The following KDR variants were observed in gnomAD, a reference collection of about 807,000 sequenced individuals.
The protein encoded by KDR is kinase insert domain receptor.
A neutral mutation model predicts 160.9 loss-of-function variants in KDR; 43 were observed. The ratio of observed to expected loss-of-function variants is 0.27; its 90% CI spans 0.21 to 0.34. The LOEUF is 0.34. KDR is among the 10% of genes least tolerant of loss of function. The pLI is 1.00. For synonymous variants in KDR, 617 were observed against 600.1 expected (o/e 1.03, Z -0.41); for missense variants, 1,469 against 1,666.4 (o/e 0.88, Z 2.06).
At chr4:55,095,690 A>T in intron 19 of KDR, 25 bp from the exon 20 acceptor site, 1 of 1,577,314 alleles carries the variant, frequency 6.3e-7, no homozygotes, top group Non-Finnish European at 8.7e-7. Context: ...TCCAGGAAGG[A>T]AAATGGGTTT....
intron 17 of KDR, 112 bp downstream of exon 17, chr4:55,098,025 T>C: frequency 1.4e-6 from 2 of 1,385,452 alleles, no homozygotes; most frequent in South Asian, 2.3e-5. Flanking sequence ...ATGGAATTAA[T>C]ATTTCTAAAC....
chr4:55,106,354 A>C (rs373095385), intron 11 of KDR, among the ~76,000 whole-genome samples: 33 of 152,316 alleles, frequency 2.2e-4, no homozygotes, highest in African/African-American at 7.7e-4. Flanking sequence ...TGGAGCTCAC[A>C]CATTATATAA....
At chr4:55,084,427 G>A (rs979050086) in intron 27 of KDR, among the ~76,000 whole-genome samples, 1 of 152,174 alleles carries the variant, frequency 6.6e-6, no homozygotes, top group Non-Finnish European at 1.5e-5. Flanking sequence ...TAGGGTTGGC[G>A]AGTTTGGACA....
intron 10 of KDR, 50 bp from the exon 11 acceptor site, chr4:55,106,860 T>G: frequency 6.7e-7 from 1 of 1,496,164 alleles, no homozygotes; most frequent in Non-Finnish European, 9.3e-7. Context: ...TTTCTTTAAT[T>G]AGAGTCAAGA....
At chr4:55,105,752 G>C in intron 12 of KDR, 80 bp downstream of exon 12, 1 of 889,398 alleles carries the variant, frequency 1.1e-6, no homozygotes, top group Admixed American at 1.7e-5. Flanking sequence ...CACATGAATG[G>C]CAAAAACAAC....
At chr4:55,102,660 T>G in intron 13 of KDR, 152 bp from the exon 14 acceptor site, 1 of 776,052 alleles carries the variant, frequency 1.3e-6, no homozygotes, top group Non-Finnish European at 2.2e-6. Context: ...TGGGTAAAGT[T>G]AAATGAAACA....
At chr4:55,107,672 T>C (rs1044544364) in intron 10 of KDR, 65 bp downstream of exon 10, 3 of 1,604,736 alleles carry the variant, frequency 1.9e-6, no homozygotes, top group Admixed American at 1.7e-5. Context: ...GATGGAGTCA[T>C]ATCATAGCTC....
At chr4:55,117,737 T>C (rs886552375) in intron 3 of KDR, among the ~76,000 whole-genome samples, 1 of 152,208 alleles carries the variant, frequency 6.6e-6, no homozygotes, top group Non-Finnish European at 1.5e-5. Flanking sequence ...CGTAAATACA[T>C]AAAATGTCTG....
At position 55,095,558 on chromosome 4, in the gene KDR, G is replaced by A. The variant is rs758974987; in HGVS notation, c.2817+19C>T. On this transcript the variant is annotated intron_variant, in intron 20 of 29. Transcript: ENST00000263923. Reference sequence around the variant, plus strand: ...TTCATTTTATAACATGGCCAGAGCAGGATTAGGAGATGACATACCTTGTAG... The same window carrying A: ...TTCATTTTATAACATGGCCAGAGCAAGATTAGGAGATGACATACCTTGTAG... 1.3e-6 allele frequency: 2 copies of A among 1,536,442 alleles called. No homozygotes were observed. Among genetic ancestry groups the A allele is most frequent in the East Asian group, 2.2e-5 (1 of 44,514 alleles).
intron 13 of KDR, among the ~76,000 whole-genome samples, chr4:55,104,237 A>T (rs1232604724): frequency 6.6e-6 from 1 of 152,170 alleles, no homozygotes; most frequent in Non-Finnish European, 1.5e-5. Flanking sequence ...CAGAGACCTC[A>T]CTGTGCTGTG....
chr4:55,096,275 G>A lies in KDR; in HGVS notation c.2682C>T (p.His894=). ...SELKILIHIG[H]HLNVVNLLGA... ...CTAGAAGGTTGACCACATTGAGATG[G>A]TGACCAATATGAATGAGGATCTTGA... The change falls in exon 19 of 30, where the codon CAC becomes CAT. Residue 894 remains histidine (H), a synonymous_variant. Transcript: ENST00000263923. 1.9e-6 allele frequency: 3 copies of A among 1,613,668 alleles called. No individual in the cohort carries two copies. Among genetic ancestry groups the A allele is most frequent in the Non-Finnish European group, 2.5e-6 (3 of 1,179,756 alleles).
rs566686266 is a variant in KDR at position 55,099,820 on chromosome 4, T to C, written c.2267-1017A>G. ...ATAAAGAGGCCTGTCCAACATGAACTAACCATTACATACACTACCCCATCC... is the reference window on the plus strand; with the variant it reads ...ATAAAGAGGCCTGTCCAACATGAACCAACCATTACATACACTACCCCATCC... On this transcript the variant is annotated intron_variant, in intron 15 of 29. Transcript: ENST00000263923. Among the ~76,000 whole-genome samples the C allele has an allele frequency of 4.6e-5, 7 of 152,200 alleles. No homozygotes were observed. The East Asian group carries it at 1.4e-3, about 29-fold the overall frequency.
At chr4:55,120,260 AC>A (rs924773135) in intron 2 of KDR, among the ~76,000 whole-genome samples, 5 of 151,828 alleles carry the variant, frequency 3.3e-5, no homozygotes, top group Non-Finnish European at 7.4e-5. Context: ...TCCTTTGTGG[AC>A]CCCCAGCACT....
In KDR at chr4:55,087,625, T is replaced by C; in HGVS notation, c.3644A>G (p.Asp1215Gly). 1 of 1,614,176 alleles carries C rather than the reference T, an allele frequency of 6.2e-7. No homozygotes were observed. Among genetic ancestry groups the C allele is most frequent in the Non-Finnish European group, 8.5e-7 (1 of 1,180,010 alleles). ...ACAGTACCTGATTCCTGCTGTGTTG[T>C]CATAATGGAATTTGGGGTCACATAC... Reference protein sequence around the residue: ...EEVCDPKFHYDNTAGISQYLQ... With the variant: ...EEVCDPKFHYGNTAGISQYLQ... The change falls in exon 27 of 30, where the codon GAC (aspartate) becomes GGC (glycine). Residue 1215 changes from aspartate to glycine, a missense_variant. By Grantham distance (94) the Asp-to-Gly change is moderately conservative. Coordinates refer to ENST00000263923, the MANE Select transcript of KDR (RefSeq NM_002253.4).
At chr4:55,082,957 A>C (rs1161414464) in intron 27 of KDR, among the ~76,000 whole-genome samples, 2 of 152,196 alleles carry the variant, frequency 1.3e-5, no homozygotes, top group African/African-American at 4.8e-5. Flanking sequence ...TCCTGATTGC[A>C]TGGGATTCCT....
Position 55,104,688 on chromosome 4 carries a change from T to C in KDR, c.1942A>G (p.Lys648Glu). 6.2e-7 allele frequency: 1 copy of C among 1,613,870 alleles called. No homozygotes were observed. Among genetic ancestry groups the C allele is most frequent in the South Asian group, 1.1e-5 (1 of 91,080 alleles). Residue 648 changes from lysine (K) to glutamate (E), a missense_variant, in exon 13 of 30, where the codon AAG becomes GAG. This residue lies in a region of KDR where 792 missense variants were observed against 840.9 expected (regional missense o/e 0.94). Coordinates refer to ENST00000263923, the MANE Select transcript of KDR (RefSeq NM_002253.4). ...ACCACGCAATGTCTTTTCTTGGTCT[T>C]CCTGTCTTGAGCAAGGCAGACATAG... ...GDYVCLAQDRKTKKRHCVVRQ... is the reference protein window; with the variant it reads ...GDYVCLAQDRETKKRHCVVRQ...
chr4:55,104,861 G>A lies in KDR; in HGVS notation c.1769C>T (p.Pro590Leu), dbSNP rs1213197083. The part of the protein sequence containing the change: ...NLTWYKLGPQ[P>L]LPIHVGELPT... ...CAACTCTCCCACATGGATTGGCAGA[G>A]GCTGTGGGCCAAGCTTGTACCATGT... Residue 590 changes from proline (P) to leucine (L), a missense_variant, in exon 13 of 30, where the codon CCT becomes CTT. By Grantham distance (98) the Pro-to-Leu change is moderately conservative. Coordinates refer to ENST00000263923, the MANE Select transcript of KDR (RefSeq NM_002253.4). 6.2e-7 allele frequency: 1 copy of A among 1,613,996 alleles called. No homozygotes were observed. The highest frequency in any genetic ancestry group is 8.5e-7 in the Non-Finnish European group (1 of 1,179,910).
intron 1 of KDR, chr4:55,123,063 A>C (rs1391881063): frequency 2.0e-5 from 3 of 152,112 alleles, no homozygotes. Flanking sequence ...GAGCCACTGC[A>C]CCCAGCCTGC....
chr4:55,104,352 A>G (rs148782968), intron 13 of KDR, among the ~76,000 whole-genome samples: 421 of 152,248 alleles, frequency 2.8e-3, no homozygotes, highest in African/African-American at 9.8e-3. Flanking sequence ...ATATTTGTCT[A>G]TTTAAATAAA....
Sources: allele counts gnomAD v4.1 joint callset (sites outside exome capture counted in the v4.1 genomes callset), GRCh38; gene constraint gnomAD v4.1.1; regional missense constraint gnomAD v4.1.1; transcripts MANE v1.5; gene names NCBI Gene and HGNC (gene_info 2026-07-23, HGNC 2026-07-21).